Variants in NEGR1 observed in about 807,000 individuals in gnomAD.
NEGR1 encodes IgLON family member 4.
A neutral mutation model predicts 40.9 loss-of-function variants in NEGR1; 10 were observed. That is an observed-to-expected ratio of 0.24 (90% CI 0.15 to 0.42). NEGR1 has a LOEUF of 0.42. Ranked by LOEUF, NEGR1 falls within the 10% of genes least tolerant of loss-of-function variation. The pLI is 1.00. For missense variants in NEGR1, 352 were observed against 438.9 expected (o/e 0.80, Z 1.77); for synonymous variants, 185 against 166.8 (o/e 1.11, Z -0.84).
intron 1 of NEGR1, among the ~76,000 whole-genome samples, chr1:72,088,263 T>C (rs59896248): frequency 0.074 from 11,246 of 152,032 alleles, 567 homozygotes; most frequent in East Asian, 0.28. Flanking sequence ...AAAGGCAAAG[T>C]GTCAGCTCTT....
At chr1:71,545,304 A>G (rs1647856319) in intron 6 of NEGR1, among the ~76,000 whole-genome samples, 1 of 151,674 alleles carries the variant, frequency 6.6e-6, no homozygotes. Flanking sequence ...AGGTAGATGC[A>G]ACCTACACAC....
intron 6 of NEGR1, among the ~76,000 whole-genome samples, chr1:71,474,300 T>TGC (rs1646804123): frequency 1.3e-5 from 2 of 150,486 alleles, no homozygotes; most frequent in Non-Finnish European, 3.0e-5. Context: ...TGTGTGTGTG[T>TGC]GTGTGTGTGA....
At chr1:72,162,834 T>C (rs1351458911) in intron 1 of NEGR1, among the ~76,000 whole-genome samples, 6 of 152,164 alleles carry the variant, frequency 3.9e-5, no homozygotes, top group African/African-American at 1.2e-4. Context: ...TGACTGTTCA[T>C]TAAACAACAA....
chr1:71,700,113 G>A (rs916957887), intron 3 of NEGR1, among the ~76,000 whole-genome samples: 1 of 151,850 alleles, frequency 6.6e-6, no homozygotes, highest in Admixed American at 6.6e-5. Flanking sequence ...CAATTTATTT[G>A]TTTAGCCAAT....
At chr1:71,434,918 C>G (rs544624854) in intron 6 of NEGR1, among the ~76,000 whole-genome samples, 1 of 152,074 alleles carries the variant, frequency 6.6e-6, no homozygotes, top group Non-Finnish European at 1.5e-5. Flanking sequence ...GGTGAAACCC[C>G]GTCTCTACTA....
chr1:71,583,452 C>T (rs1444589077), intron 6 of NEGR1, among the ~76,000 whole-genome samples: 3 of 152,138 alleles, frequency 2.0e-5, no homozygotes, highest in Non-Finnish European at 4.4e-5. Flanking sequence ...CCAACAGGCA[C>T]ATGCTAGCCT....
intron 1 of NEGR1, among the ~76,000 whole-genome samples, chr1:72,249,022 T>G (rs1346826631): frequency 6.6e-6 from 1 of 152,232 alleles, no homozygotes; most frequent in Non-Finnish European, 1.5e-5. Context: ...AGGGTCTTAA[T>G]GATTGTGTCC....
chr1:71,722,371 C>T (rs577412672), intron 3 of NEGR1, among the ~76,000 whole-genome samples: 108 of 151,918 alleles, frequency 7.1e-4, no homozygotes, highest in Middle Eastern at 3.4e-3. Context: ...AATTTATCCA[C>T]GTATTATTTT....
At chr1:71,919,743 C>G (rs776380546) in intron 2 of NEGR1, among the ~76,000 whole-genome samples, 1 of 152,046 alleles carries the variant, frequency 6.6e-6, no homozygotes, top group Non-Finnish European at 1.5e-5. Context: ...GCCAAGAAAG[C>G]CTAGGTTCGA....
intron 2 of NEGR1, among the ~76,000 whole-genome samples, chr1:71,811,998 C>G (rs1359801748): frequency 6.6e-6 from 1 of 151,534 alleles, no homozygotes; most frequent in Non-Finnish European, 1.5e-5. Context: ...CAACCCATAA[C>G]CTAGGTATTA....
chr1:71,681,117 C>T (rs977930615), intron 4 of NEGR1, among the ~76,000 whole-genome samples: 5 of 152,174 alleles, frequency 3.3e-5, no homozygotes, highest in Admixed American at 6.5e-5. Flanking sequence ...AGTCTGTGAA[C>T]AAGAAAGGTG....
chr1:71,915,665 G>A (rs1661555694), intron 2 of NEGR1, among the ~76,000 whole-genome samples: 1 of 152,058 alleles, frequency 6.6e-6, no homozygotes. Context: ...GCAGAGCCAA[G>A]GTCCACGTTC....
intron 3 of NEGR1, among the ~76,000 whole-genome samples, chr1:71,713,726 C>T (rs1354909664): frequency 6.6e-6 from 1 of 152,150 alleles, no homozygotes; most frequent in Non-Finnish European, 1.5e-5. Flanking sequence ...AATTGTCACA[C>T]CACCTTGACA....
intron 1 of NEGR1, among the ~76,000 whole-genome samples, chr1:72,071,273 C>T (rs1034778579): frequency 2.6e-5 from 4 of 151,776 alleles, no homozygotes; most frequent in African/African-American, 9.7e-5. Flanking sequence ...AGAAATCATC[C>T]AGTGAACAGC....
At chr1:72,259,920 C>T (rs570063810) in intron 1 of NEGR1, among the ~76,000 whole-genome samples, 1 of 152,006 alleles carries the variant, frequency 6.6e-6, no homozygotes, top group Non-Finnish European at 1.5e-5. Context: ...GTAGTAATTA[C>T]TCCAATTTTT....
chr1:71,960,060 A>G (rs1646151769), intron 1 of NEGR1, among the ~76,000 whole-genome samples: 1 of 152,170 alleles, frequency 6.6e-6, no homozygotes, highest in Non-Finnish European at 1.5e-5. Flanking sequence ...TTTCATAGGT[A>G]GGAAGTAGGG....
intron 1 of NEGR1, among the ~76,000 whole-genome samples, chr1:71,973,266 A>G (rs1323937383): frequency 1.3e-5 from 2 of 150,786 alleles, no homozygotes; most frequent in Non-Finnish European, 3.0e-5. Flanking sequence ...CAGTGAGCCG[A>G]GATCGCGCCA....
intron 1 of NEGR1, among the ~76,000 whole-genome samples, chr1:72,021,235 T>C (rs1646753507): frequency 6.6e-6 from 1 of 152,122 alleles, no homozygotes; most frequent in Non-Finnish European, 1.5e-5. Flanking sequence ...TGAACACTAT[T>C]GACAATTAGA....
chr1:72,251,875 C>T (rs1331631176), intron 1 of NEGR1, among the ~76,000 whole-genome samples: 3 of 152,012 alleles, frequency 2.0e-5, no homozygotes, highest in Non-Finnish European at 2.9e-5. Flanking sequence ...CACATTTTGG[C>T]CAAACTTACT....
Sources: gnomAD v4.1 joint callset for allele counts (sites outside exome capture counted in the v4.1 genomes callset) on GRCh38, gnomAD v4.1.1 for gene constraint, MANE v1.5 for transcripts, NCBI Gene and HGNC (gene_info 2026-07-23, HGNC 2026-07-21) for gene names.